SPTAN1: variants seen among roughly 807,000 people sequenced by gnomAD.
SPTAN1 encodes spectrin alpha chain, non-erythrocytic 1.
In SPTAN1, 61 loss-of-function variants were observed where a neutral mutation model predicts 331.3. That is an observed-to-expected ratio of 0.18 (90% CI 0.15 to 0.23). The LOEUF (loss-of-function observed/expected upper bound fraction) is 0.23. Among genes scored for constraint, SPTAN1 ranks in the 10% least tolerant of loss-of-function variants. The pLI, the probability that SPTAN1 is intolerant of heterozygous loss-of-function variation, is 1.00. For synonymous variants in SPTAN1, 1,153 were observed against 1,173.9 expected (o/e 0.98, Z 0.36); for missense variants, 2,043 against 3,147.9 (o/e 0.65, Z 8.40).
intron 1 of SPTAN1, among the ~76,000 whole-genome samples, chr9:128,562,618 G>A (rs958130531): frequency 2.6e-5 from 4 of 152,142 alleles, no homozygotes; most frequent in Non-Finnish European, 5.9e-5. Context: ...AGTGATCCTT[G>A]TCAGGGTCCT....
At position 128,609,291 on chromosome 9, in the gene SPTAN1, T is replaced by C. The variant is rs761533526; in HGVS notation, c.4758+7T>C. 1.2e-5 allele frequency: 19 copies of C among 1,614,100 alleles called. No homozygotes were observed. In the South Asian group the frequency reaches 2.0e-4, roughly 17 times the overall value. On this transcript the variant is annotated splice_region_variant and intron_variant, in intron 36 of 56. Transcript: ENST00000372739. The stretch of plus-strand genomic sequence containing the variant: ...GGATCCCACCAACATCCAGGTAAGC[T>C]GAAGTGACTGGGTGTTGGTCTTGAT...
intron 1 of SPTAN1, among the ~76,000 whole-genome samples, chr9:128,557,451 G>T (rs1443403112): frequency 2.0e-5 from 3 of 152,166 alleles, no homozygotes; most frequent in Non-Finnish European, 4.4e-5. Flanking sequence ...GTTTGTATCT[G>T]CAGTCTTTTG....
rs11382658 is a variant in SPTAN1, at chr9:128,585,015, C to CTT, written c.2560+188_2560+189dup. 1.8e-3 allele frequency among the ~76,000 whole-genome samples: 241 copies of CTT among 133,104 alleles called. 4 individuals carry two copies. The highest frequency in any genetic ancestry group is 4.5e-3 in the African/African-American group (155 of 34,754). 87.3% of individuals were successfully genotyped at this position (133,104 alleles called of 152,430 possible). On this transcript the variant is annotated intron_variant, in intron 18 of 56. Coordinates refer to ENST00000372739, the MANE Select transcript of SPTAN1 (RefSeq NM_001130438.3). ...CCTTACCCTTTCTGAGCCTGAATTT[C>CTT]TTTTTTTTTTTTTTTTTGAGACGGG...
At position 128,577,519 on chromosome 9, in the gene SPTAN1, C is replaced by A; in HGVS notation, c.1085+13C>A. On this transcript the variant is annotated intron_variant, in intron 8 of 56. Transcript: ENST00000372739. This position sits in a 1 kb window ranked among gnomAD's most constrained non-coding sequence, Gnocchi z 4.2. ...ATGATTCATACAGGTGCAAATAATG[C>A]TCCAGGTCTTAACCAGTATCATTTG... 1 of 1,613,190 alleles carries A rather than the reference C, an allele frequency of 6.2e-7. No individual in the cohort carries two copies. The highest frequency in any genetic ancestry group is 1.1e-5 in the South Asian group (1 of 91,054).
chr9:128,599,991 G>A, intron 26 of SPTAN1, 89 bp from the exon 27 acceptor site: 2 of 1,375,430 alleles, frequency 1.5e-6, no homozygotes, highest in East Asian at 2.3e-5. Context: ...ATCTCCCCTG[G>A]GGGAAACTAG....
At chr9:128,578,378 T>C in intron 9 of SPTAN1, 133 bp downstream of exon 9, 1 of 1,276,274 alleles carries the variant, frequency 7.8e-7, no homozygotes, top group Non-Finnish European at 1.1e-6. Context: ...ATGAGGATTA[T>C]GGTTGGTTTT....
At chr9:128,585,266 T>C (rs1194660786) in intron 18 of SPTAN1, among the ~76,000 whole-genome samples, 1 of 152,082 alleles carries the variant, frequency 6.6e-6, no homozygotes, top group African/African-American at 2.4e-5. Flanking sequence ...TGACCTCAGG[T>C]GATCCACCTA....
intron 1 of SPTAN1, among the ~76,000 whole-genome samples, chr9:128,560,828 C>T (rs1213597361): frequency 6.6e-6 from 1 of 151,028 alleles, no homozygotes; most frequent in Non-Finnish European, 1.5e-5. Context: ...ACCAGTCTGG[C>T]CAATATGGTG....
rs868732679 is a variant in SPTAN1 at position 128,604,344 on chromosome 9, C to T, written c.3646C>T (p.Arg1216Trp). 3 of 1,613,872 alleles carry T rather than the reference C, an allele frequency of 1.9e-6. No homozygotes were observed. Among genetic ancestry groups the T allele is most frequent in the Non-Finnish European group, 1.7e-6 (2 of 1,179,908 alleles). The change falls in exon 29 of 57, where the codon CGG becomes TGG. Residue 1216 changes from arginine to tryptophan, a missense_variant. Physicochemically the swap from Arg to Trp is moderately radical, Grantham distance 101 (BLOSUM62 -3). Coordinates refer to ENST00000372739, the MANE Select transcript of SPTAN1 (RefSeq NM_001130438.3). ...CCTGCAGGAGCTGAATGAGCGCTGGCGGTCCCTACAGCAGCTGGCCGAGGA... is the reference window on the plus strand; with the variant it reads ...CCTGCAGGAGCTGAATGAGCGCTGGTGGTCCCTACAGCAGCTGGCCGAGGA... The part of the protein sequence containing the change: ...NSIKELNERW[R>W]SLQQLAEERS...
rs199955815 is a variant in SPTAN1 at position 128,632,518 on chromosome 9, G to A, written c.7013+34G>A. The A allele has an allele frequency of 1.6e-4, 259 of 1,614,170 alleles. 3 individuals carry two copies. In the Middle Eastern group the frequency reaches 4.3e-3, roughly 27 times the overall value. ...AGCCTTACTCGCCCTGGCTGGGTGG[G>A]GGGTGTTCGGCAGCAGGGCTGCCTG... On this transcript the variant is annotated intron_variant, in intron 54 of 56. Transcript: ENST00000372739.
At chr9:128,597,045 A>G (rs1854400305) in intron 24 of SPTAN1, among the ~76,000 whole-genome samples, 1 of 152,144 alleles carries the variant, frequency 6.6e-6, no homozygotes. Context: ...CTGTAGACCC[A>G]GCTACTCGGT....
At chr9:128,612,993 T>C (rs1315367385) in intron 39 of SPTAN1, among the ~76,000 whole-genome samples, 2 of 152,172 alleles carry the variant, frequency 1.3e-5, no homozygotes, top group African/African-American at 4.8e-5. Context: ...AATGTAACCA[T>C]TCCCATATTG....
At chr9:128,587,838 GATTT>G (rs573630377) in intron 20 of SPTAN1, 140 bp downstream of exon 20, 276 of 688,012 alleles carry the variant, frequency 4.0e-4, no homozygotes, top group East Asian at 1.2e-3. Context: ...TTTAAAATAA[GATTT>G]ATTTATTTAT....
At position 128,633,313 on chromosome 9, in the gene SPTAN1, C is replaced by T. The variant is rs1178369660; in HGVS notation, c.7413C>T (p.Thr2471=). 1.9e-6 allele frequency: 3 copies of T among 1,613,996 alleles called. No homozygotes were observed. Among genetic ancestry groups the T allele is most frequent in the Non-Finnish European group, 2.5e-6 (3 of 1,180,042 alleles). ...LPTAFDYVEF[T]RSLFVN ...CCGCGTTCGACTACGTGGAGTTCACCCGCTCGCTTTTCGTGAACTGAGCCA... is the reference window on the plus strand; with the variant it reads ...CCGCGTTCGACTACGTGGAGTTCACTCGCTCGCTTTTCGTGAACTGAGCCA... The change falls in exon 57 of 57, where the codon ACC becomes ACT. Residue 2471 remains threonine (T), a synonymous_variant. Coordinates refer to ENST00000372739, the MANE Select transcript of SPTAN1 (RefSeq NM_001130438.3).
intron 40 of SPTAN1, among the ~76,000 whole-genome samples, chr9:128,615,251 G>C (rs995903329): frequency 2.0e-5 from 3 of 152,098 alleles, no homozygotes; most frequent in African/African-American, 7.2e-5. Flanking sequence ...CAAAAGAATG[G>C]CTACTCAGTA....
intron 23 of SPTAN1, 186 bp downstream of exon 23, chr9:128,593,228 C>T (rs1853773988): frequency 2.9e-6 from 2 of 678,914 alleles, no homozygotes; most frequent in South Asian, 3.1e-5. Flanking sequence ...CGGTCGATGA[C>T]TGCTTATCTC....
intron 31 of SPTAN1, among the ~76,000 whole-genome samples, chr9:128,607,082 T>C (rs1855991444): frequency 6.6e-6 from 1 of 152,238 alleles, no homozygotes. Context: ...TTTTGTGCCC[T>C]TGTGGTTGTA....
chr9:128,626,899 C>T (rs1383245756), intron 49 of SPTAN1: 3 of 653,236 alleles, frequency 4.6e-6, no homozygotes, highest in Non-Finnish European at 8.2e-6. Context: ...CCTGTAGCCT[C>T]AACCTCCCAG....
chr9:128,613,614 T>G (rs779472865), intron 40 of SPTAN1, 129 bp downstream of exon 40: 1 of 766,326 alleles, frequency 1.3e-6, no homozygotes, highest in Non-Finnish European at 2.3e-6. Context: ...TCAAAGGTTG[T>G]GGCCTCAGGA....
Sources: gnomAD v4.1 joint callset for allele counts (sites outside exome capture counted in the v4.1 genomes callset) on GRCh38, gnomAD v4.1.1 for gene constraint, Gnocchi (gnomAD v3.1) non-coding constraint, MANE v1.5 for transcripts, NCBI Gene and HGNC (gene_info 2026-07-23, HGNC 2026-07-21) for gene names.